DNM3: variants seen among roughly 807,000 people sequenced by gnomAD.
DNM3 encodes dynamin 3.
Under a neutral mutation model 101.6 loss-of-function variants are expected in DNM3, and 47 were observed. That is an observed-to-expected ratio of 0.46 (90% CI 0.37 to 0.59). DNM3 has a LOEUF of 0.59. Ranked by LOEUF, DNM3 falls within the 20% of genes least tolerant of loss-of-function variation. The pLI is 0.00. For synonymous variants in DNM3, 385 were observed against 387.9 expected (o/e 0.99, Z 0.09); for missense variants, 849 against 1,085.7 (o/e 0.78, Z 3.06).
At chr1:172,132,874 T>C (rs1243336604) in intron 14 of DNM3, 1 of 858,424 alleles carries the variant, frequency 1.2e-6, no homozygotes, top group East Asian at 2.6e-5. Context: ...TACAGGACTA[T>C]TTTCCTTATT....
chr1:172,418,250 ATTTTGTTTTGT>A (rs2071500067), intron 20 of DNM3: 1 of 1,277,974 alleles, frequency 7.8e-7, no homozygotes, highest in Admixed American at 2.3e-5. Context: ...TCTTTTTGTT[ATTTTGTTTTGT>A]TTTGTTTTGT....
At chr1:171,842,962 T>G (rs2124943955) in intron 1 of DNM3, among the ~76,000 whole-genome samples, 1 of 152,366 alleles carries the variant, frequency 6.6e-6, no homozygotes, top group Middle Eastern at 3.4e-3. Flanking sequence ...GAAAAAATGC[T>G]GGCGAGATTG....
downstream of DNM3, among the ~76,000 whole-genome samples, chr1:172,417,494 G>A (rs531857350): frequency 1.6e-4 from 24 of 152,288 alleles, no homozygotes; most frequent in African/African-American, 5.5e-4. Context: ...CCAGCCTAGG[G>A]AAATGGAGAA....
intron 15 of DNM3, among the ~76,000 whole-genome samples, chr1:172,280,664 A>C (rs1389696557): frequency 1.3e-5 from 2 of 152,212 alleles, no homozygotes; most frequent in Non-Finnish European, 2.9e-5. Context: ...ACATTGTTTT[A>C]TTGTGTTAAA....
intron 2 of DNM3, among the ~76,000 whole-genome samples, chr1:171,971,694 T>G (rs1297216419): frequency 2.0e-5 from 3 of 152,074 alleles, no homozygotes; most frequent in Non-Finnish European, 2.9e-5. Context: ...AATGTGTAAT[T>G]GAAGGCTTGC....
intron 1 of DNM3, among the ~76,000 whole-genome samples, chr1:171,873,893 A>G (rs139405517): frequency 5.9e-5 from 9 of 152,152 alleles, no homozygotes; most frequent in African/African-American, 2.2e-4. Flanking sequence ...TCTAATCCAA[A>G]CCAGAAGCAC....
At chr1:172,094,791 G>A (rs1374125948) in intron 13 of DNM3, among the ~76,000 whole-genome samples, 1 of 152,202 alleles carries the variant, frequency 6.6e-6, no homozygotes, top group African/African-American at 2.4e-5. Flanking sequence ...GGGAAAATTA[G>A]AAGCTATGGA....
chr1:172,051,893 AT>A (rs1475877240), intron 10 of DNM3, among the ~76,000 whole-genome samples: 1 of 151,896 alleles, frequency 6.6e-6, no homozygotes, highest in African/African-American at 2.4e-5. Flanking sequence ...GCTTATCTTT[AT>A]TTTCCTTTCC....
At chr1:172,335,921 C>T (rs963671340) in intron 17 of DNM3, among the ~76,000 whole-genome samples, 5 of 151,976 alleles carry the variant, frequency 3.3e-5, no homozygotes, top group Non-Finnish European at 5.9e-5. Flanking sequence ...CAAACCTGCA[C>T]GTTTACCCCC....
At chr1:172,404,593 A>G (rs568421323) in intron 20 of DNM3, among the ~76,000 whole-genome samples, 7 of 152,204 alleles carry the variant, frequency 4.6e-5, no homozygotes, top group African/African-American at 1.7e-4. Flanking sequence ...TCTATTCTCT[A>G]TCCACACCAT....
chr1:172,177,435 T>TG (rs2059193441), intron 14 of DNM3, among the ~76,000 whole-genome samples: 1 of 151,944 alleles, frequency 6.6e-6, no homozygotes, highest in Non-Finnish European at 1.5e-5. Context: ...TTAGGGTTTG[T>TG]TACAATTCAA....
chr1:171,937,303 T>C lies in DNM3; in HGVS notation c.235+15482T>C, dbSNP rs184411433. ...GTTTTTTTTTTTCCATTGTAACAAA[T>C]TAACCTCATGGTAATAAATGTACTT... On this transcript the variant is annotated intron_variant, in intron 2 of 20. Transcript: ENST00000627582. 4.6e-3 allele frequency among the ~76,000 whole-genome samples: 698 copies of C among 152,264 alleles called. 5 individuals are homozygous for C. The highest frequency in any genetic ancestry group is 0.016 in the African/African-American group (649 of 41,568).
At chr1:172,093,664 G>C (rs2054063248) in intron 13 of DNM3, 1 of 1,588,058 alleles carries the variant, frequency 6.3e-7, no homozygotes, top group Non-Finnish European at 8.5e-7. Context: ...CTTTTTTTCT[G>C]AACTAAAGCA....
intron 15 of DNM3, chr1:172,290,204 A>C (rs1234504182): frequency 6.0e-6 from 1 of 167,318 alleles, no homozygotes; most frequent in Admixed American, 6.6e-5. Context: ...TAGTTAGATG[A>C]GGCAGCAGAT....
At chr1:171,989,694 C>T (rs4317842) in intron 4 of DNM3, among the ~76,000 whole-genome samples, 4 of 152,040 alleles carry the variant, frequency 2.6e-5, no homozygotes, top group African/African-American at 9.7e-5. Flanking sequence ...CTTTCTTATG[C>T]GTATGTTTAA....
chr1:172,026,809 A>G (rs919419587), intron 4 of DNM3, among the ~76,000 whole-genome samples: 2 of 151,984 alleles, frequency 1.3e-5, no homozygotes, highest in African/African-American at 2.4e-5. Flanking sequence ...ACCTGCTACC[A>G]CGCCTGGCTA....
chr1:172,131,385 T>TTAA, intron 14 of DNM3, 97 bp downstream of exon 14: 1 of 1,011,532 alleles, frequency 9.9e-7, no homozygotes, highest in Non-Finnish European at 1.5e-6. Context: ...ACACCAGTGG[T>TTAA]TCTCTTTCAG....
At chr1:172,167,641 G>C (rs1225944178) in intron 14 of DNM3, among the ~76,000 whole-genome samples, 1 of 151,960 alleles carries the variant, frequency 6.6e-6, no homozygotes, top group Admixed American at 6.6e-5. Flanking sequence ...ATCTCATTGT[G>C]GTTTTGATTA....
intron 9 of DNM3, among the ~76,000 whole-genome samples, chr1:172,045,650 T>G (rs1431677689): frequency 2.0e-5 from 3 of 152,170 alleles, no homozygotes; most frequent in African/African-American, 7.2e-5. Context: ...AAAGCACATA[T>G]TTATTCATTT....
Sources: gnomAD v4.1 joint callset for allele counts (sites outside exome capture counted in the v4.1 genomes callset) on GRCh38, gnomAD v4.1.1 for gene constraint, MANE v1.5 for transcripts, NCBI Gene and HGNC (gene_info 2026-07-23, HGNC 2026-07-21) for gene names.